The following HDGFL3 variants were observed in gnomAD, a reference collection of about 807,000 sequenced individuals.
HDGFL3 encodes the protein hepatoma-derived growth factor-related protein 3.
A neutral mutation model predicts 27.6 loss-of-function variants in HDGFL3; 6 were observed. The ratio of observed to expected loss-of-function variants is 0.22; its 90% CI spans 0.12 to 0.43. HDGFL3 has a LOEUF of 0.43. Ranked by LOEUF, HDGFL3 falls within the 20% of genes least tolerant of loss-of-function variation. The pLI is 1.00. For missense variants in HDGFL3, 207 were observed against 250.1 expected (o/e 0.83, Z 1.16); for synonymous variants, 88 against 88.9 (o/e 0.99, Z 0.05).
Position 83,132,862 on chromosome 15 carries a change from C to T in HDGFL3, c.*6408G>A, listed in dbSNP as rs1045834858. On this transcript the variant is annotated 3_prime_UTR_variant, in exon 6 of 6. Coordinates refer to ENST00000299633, the MANE Select transcript of HDGFL3 (RefSeq NM_016073.4). ...CATCTTTATTTAGTATTAAATTATA[C>T]TGATTTAACATCTTTTATGTACTTA... 1.3e-5 allele frequency: 2 copies of T among 152,190 alleles called. No individual in the cohort carries two copies. The highest frequency in any genetic ancestry group is 2.9e-5 in the Non-Finnish European group (2 of 68,032). 9.4% of individuals were successfully genotyped at this position (152,190 alleles called of 1,614,324 possible). A position where few individuals can be genotyped will look rare whatever the true frequency, so the allele number is the denominator to read the frequency against.
intron 1 of HDGFL3, among the ~76,000 whole-genome samples, chr15:83,199,645 T>C (rs1300351585): frequency 6.6e-6 from 1 of 152,208 alleles, no homozygotes; most frequent in Non-Finnish European, 1.5e-5. Flanking sequence ...TGAGTTTCAA[T>C]GATCAAATGA....
rs2037737473 is a variant in HDGFL3 at position 83,207,465 on chromosome 15, A to G, written c.-51T>C. ...CCTTGGTCGCCGCGAAGATGCCGGG[A>G]GGCCGCCCCCCCGCGGGCCGACGAA... On this transcript the variant is annotated 5_prime_UTR_variant, in exon 1 of 6. Coordinates refer to ENST00000299633, the MANE Select transcript of HDGFL3 (RefSeq NM_016073.4). This position sits in a 1 kb window ranked among gnomAD's most constrained non-coding sequence, Gnocchi z 4.8. The G allele has an allele frequency of 1.6e-6, 2 of 1,234,660 alleles. No individual in the cohort carries two copies. The highest frequency in any genetic ancestry group is 3.3e-5 in the South Asian group (1 of 30,374). 76.5% of individuals were successfully genotyped at this position (1,234,660 alleles called of 1,614,324 possible). A position where few individuals can be genotyped will look rare whatever the true frequency, so the allele number is the denominator to read the frequency against.
chr15:83,197,707 C>T (rs945880422), intron 1 of HDGFL3, among the ~76,000 whole-genome samples: 4 of 152,138 alleles, frequency 2.6e-5, no homozygotes, highest in African/African-American at 9.7e-5. Context: ...CCACGGAACA[C>T]TAGTTTGTCA....
chr15:83,163,953 T>C (rs765868027), intron 2 of HDGFL3, 46 bp downstream of exon 2: 23 of 1,186,084 alleles, frequency 1.9e-5, no homozygotes, highest in Non-Finnish European at 2.1e-5. Context: ...CAATGTAGCA[T>C]AGCAGAGTCA....
rs1427117960 is a variant in HDGFL3, at chr15:83,133,760, G to A, written c.*5510C>T. 3 of 152,264 alleles carry A rather than the reference G, an allele frequency of 2.0e-5. No homozygotes were observed. The highest frequency in any genetic ancestry group is 4.4e-5 in the Non-Finnish European group (3 of 68,096). 9.4% of individuals were successfully genotyped at this position (152,264 alleles called of 1,614,324 possible). Reference sequence around the variant, plus strand: ...AACATCACCCAGGAGAAAACCTGCAGCCCTTTATTAGCTATGTGCTTGGGA... The same window carrying A: ...AACATCACCCAGGAGAAAACCTGCAACCCTTTATTAGCTATGTGCTTGGGA... On this transcript the variant is annotated 3_prime_UTR_variant, in exon 6 of 6. Coordinates refer to ENST00000299633, the MANE Select transcript of HDGFL3 (RefSeq NM_016073.4).
At chr15:83,126,861 G>A (rs746506020), downstream of HDGFL3, 20 of 1,587,218 alleles carry the variant, frequency 1.3e-5, no homozygotes, top group East Asian at 4.3e-4. Flanking sequence ...AAGTAGTTAT[G>A]AAGCCTAAGA....
At chr15:83,124,885 C>A, downstream of HDGFL3, 1 of 949,442 alleles carries the variant, frequency 1.1e-6, no homozygotes, top group Non-Finnish European at 1.6e-6. Flanking sequence ...TCTTAGCAAA[C>A]TAACAAACCA....
chr15:83,159,557 TA>T (rs920656574), intron 2 of HDGFL3, among the ~76,000 whole-genome samples: 34 of 151,870 alleles, frequency 2.2e-4, no homozygotes, highest in African/African-American at 7.5e-4. Flanking sequence ...GTATGTGTGC[TA>T]AAAAAAATAA....
At chr15:83,151,862 T>C (rs2036967559) in intron 4 of HDGFL3, among the ~76,000 whole-genome samples, 1 of 152,210 alleles carries the variant, frequency 6.6e-6, no homozygotes, top group South Asian at 2.1e-4. Context: ...CCCAGAATCA[T>C]CTTGATAAAA....
chr15:83,158,178 CA>C, intron 2 of HDGFL3, 137 bp from the exon 3 acceptor site: 2 of 677,904 alleles, frequency 3.0e-6, no homozygotes, highest in Non-Finnish European at 4.6e-6. Flanking sequence ...TCAAGTTAGG[CA>C]CATATTACGA....
At chr15:83,169,470 C>T (rs2037218593) in intron 1 of HDGFL3, among the ~76,000 whole-genome samples, 1 of 120,828 alleles carries the variant, frequency 8.3e-6, no homozygotes, top group Non-Finnish European at 1.7e-5. Context: ...AAGAAGAAGT[C>T]AAAATTATCT....
chr15:83,127,404 T>C (rs1262312609), downstream of HDGFL3: 4 of 1,613,964 alleles, frequency 2.5e-6, no homozygotes, highest in African/African-American at 1.3e-5. Flanking sequence ...GTGACTGCAC[T>C]GTATGGCTTA....
intron 1 of HDGFL3, among the ~76,000 whole-genome samples, chr15:83,206,779 G>A (rs2037722338): frequency 6.6e-6 from 1 of 152,204 alleles, no homozygotes; most frequent in Admixed American, 6.5e-5. Flanking sequence ...GCGGGGCACC[G>A]GGAATCGCGC....
At chr15:83,185,674 G>A (rs1192357609) in intron 1 of HDGFL3, among the ~76,000 whole-genome samples, 1 of 152,214 alleles carries the variant, frequency 6.6e-6, no homozygotes, top group Non-Finnish European at 1.5e-5. Context: ...GTATTGAGAA[G>A]TGAAGATGAG....
chr15:83,166,246 C>A (rs1019315354), intron 1 of HDGFL3, among the ~76,000 whole-genome samples: 7 of 152,186 alleles, frequency 4.6e-5, no homozygotes, highest in African/African-American at 1.7e-4. Flanking sequence ...AGCAGGCTAA[C>A]AGCAGATGTC....
chr15:83,151,461 G>A, intron 4 of HDGFL3, 100 bp from the exon 5 acceptor site: 1 of 987,654 alleles, frequency 1.0e-6, no homozygotes. Context: ...TCTAGTTTTA[G>A]TGGTTGATAG....
chr15:83,126,853 G>T, downstream of HDGFL3: 1 of 1,603,472 alleles, frequency 6.2e-7, no homozygotes, highest in Non-Finnish European at 8.5e-7. Context: ...TTCAGGTCAA[G>T]TAGTTATGAA....
At chr15:83,145,223 C>T (rs996309696) in intron 5 of HDGFL3, among the ~76,000 whole-genome samples, 6 of 152,142 alleles carry the variant, frequency 3.9e-5, no homozygotes, top group African/African-American at 1.4e-4. Flanking sequence ...GCACCCATCA[C>T]TTCCTGAACT....
chr15:83,126,634 T>C (rs142955611), downstream of HDGFL3: 519 of 739,974 alleles, frequency 7.0e-4, 2 homozygotes, highest in African/African-American at 8.4e-3. Context: ...GCCTCTACAA[T>C]GCATACGTTT....
Sources: gnomAD v4.1 joint callset for allele counts (sites outside exome capture counted in the v4.1 genomes callset) on GRCh38, gnomAD v4.1.1 for gene constraint, Gnocchi (gnomAD v3.1) non-coding constraint, MANE v1.5 for transcripts, NCBI Gene and HGNC (gene_info 2026-07-23, HGNC 2026-07-21) for gene names.